The following LY6S variants were observed in gnomAD, a reference collection of about 807,000 sequenced individuals.
The protein encoded by LY6S is lymphocyte antigen 6 family member S, also known as lymphocyte antigen 6S.
At chr8:143,044,113 G>A in the LY6S span, 1 of 456,182 alleles carries the variant, frequency 2.2e-6, no homozygotes. Context: ...TCCTCCCATG[G>A]CCTGGCTGAT....
chr8:143,074,130 A>G, the LY6S span, among the ~76,000 whole-genome samples: 1 of 152,152 alleles, frequency 6.6e-6, no homozygotes, highest in African/African-American at 2.4e-5. Context: ...CCAGTTTTAT[A>G]CTTCATGGAG....
chr8:143,057,889 C>T, the LY6S span: 4 of 639,424 alleles, frequency 6.3e-6, no homozygotes, highest in South Asian at 5.1e-5. Context: ...GAGATTTCAA[C>T]CAGCCCATGC....
the LY6S span, among the ~76,000 whole-genome samples, chr8:143,052,873 T>G: frequency 6.6e-6 from 1 of 152,234 alleles, no homozygotes; most frequent in Non-Finnish European, 1.5e-5. Context: ...AAACTTAGTC[T>G]TTTTGAAATG....
chr8:143,073,420 CAGCCGTCGTCCTCGGGGTTCCTGTTT>C, the LY6S span, among the ~76,000 whole-genome samples: 2 of 147,962 alleles, frequency 1.4e-5, no homozygotes, highest in Non-Finnish European at 3.0e-5. Context: ...TTTGAGGAGA[CAGCCGTCGTCCTCGGGGTTCCTGTTT>C]GAGGAGACAG....
chr8:143,060,814 GA>G, the LY6S span, among the ~76,000 whole-genome samples: 3 of 151,648 alleles, frequency 2.0e-5, no homozygotes, highest in Non-Finnish European at 3.0e-5. Flanking sequence ...ACCCTATAAT[GA>G]GACAGTAACC....
chr8:143,076,222 T>G, the LY6S span, among the ~76,000 whole-genome samples: 1 of 152,204 alleles, frequency 6.6e-6, no homozygotes, highest in African/African-American at 2.4e-5. Flanking sequence ...CACACAGCTG[T>G]CCGTCTAAGA....
chr8:143,070,120 G>T, the LY6S span, among the ~76,000 whole-genome samples: 3 of 151,812 alleles, frequency 2.0e-5, no homozygotes, highest in Non-Finnish European at 4.4e-5. Context: ...GATGGCATCT[G>T]CTCCCTGCAT....
the LY6S span, among the ~76,000 whole-genome samples, chr8:143,058,528 A>G: frequency 6.6e-6 from 1 of 152,250 alleles, no homozygotes; most frequent in Admixed American, 6.5e-5. Context: ...GCTATCTAGA[A>G]GGCAGAGCCA....
At chr8:143,044,748 G>A in the LY6S span, 1 of 1,367,584 alleles carries the variant, frequency 7.3e-7, no homozygotes, top group Non-Finnish European at 9.8e-7. Context: ...AGACCACGCT[G>A]CAGGAGGCCC....
the LY6S span, among the ~76,000 whole-genome samples, chr8:143,045,979 G>A: frequency 2.6e-5 from 4 of 152,040 alleles, no homozygotes; most frequent in African/African-American, 9.6e-5. This position sits in a 1 kb window ranked among gnomAD's most constrained non-coding sequence, Gnocchi z 5.3. Context: ...TCAGCCTCCC[G>A]AGTAGCTGTG....
chr8:143,044,780 T>G, the LY6S span: 1 of 1,367,352 alleles, frequency 7.3e-7, no homozygotes, highest in Non-Finnish European at 9.8e-7. Flanking sequence ...GCCAAGCATC[T>G]GTAGCAGCGC....
At chr8:143,054,351 G>A in the LY6S span, 2 of 150,764 alleles carry the variant, frequency 1.3e-5, no homozygotes, top group East Asian at 3.9e-4. Context: ...CTTGTGGTGG[G>A]ACCCTAAGAG....
At chr8:143,072,559 G>C in the LY6S span, among the ~76,000 whole-genome samples, 1,864 of 143,006 alleles carry the variant, frequency 0.013, 35 homozygotes, top group African/African-American at 0.048. Flanking sequence ...CGTGGTCCCT[G>C]TTTGAGGAGA....
chr8:143,041,730 A>G, the LY6S span, among the ~76,000 whole-genome samples: 1 of 152,132 alleles, frequency 6.6e-6, no homozygotes, highest in Admixed American at 6.5e-5. Context: ...AATTTGGGGA[A>G]CTAATAAATG....
chr8:143,044,631 G>A, the LY6S span: 2 of 1,330,094 alleles, frequency 1.5e-6, no homozygotes, highest in Non-Finnish European at 2.0e-6. Context: ...TATCTAAGAA[G>A]TGCCCCTCCC....
chr8:143,045,052 C>T, the LY6S span, among the ~76,000 whole-genome samples: 2 of 152,200 alleles, frequency 1.3e-5, no homozygotes, highest in Non-Finnish European at 2.9e-5. The surrounding 1 kb of genome is among the most constrained non-coding windows in gnomAD (Gnocchi z 5.3). Context: ...AAGGCATACA[C>T]GTGCCCAGGA....
At chr8:143,069,149 G>C in the LY6S span, among the ~76,000 whole-genome samples, 1 of 152,120 alleles carries the variant, frequency 6.6e-6, no homozygotes, top group Non-Finnish European at 1.5e-5. Flanking sequence ...CATCTCTTAC[G>C]TCTCCCACAT....
the LY6S span, among the ~76,000 whole-genome samples, chr8:143,075,357 A>G: frequency 6.6e-6 from 1 of 152,174 alleles, no homozygotes; most frequent in East Asian, 1.9e-4. The surrounding 1 kb of genome is among the most constrained non-coding windows in gnomAD (Gnocchi z 4.1). Flanking sequence ...ACCTAAGAAA[A>G]AAGTCTCCCT....
chr8:143,050,101 C>T, the LY6S span, among the ~76,000 whole-genome samples: 13 of 151,888 alleles, frequency 8.6e-5, no homozygotes, highest in South Asian at 4.1e-4. Flanking sequence ...CTGGACTCTG[C>T]GCCCTGCAGG....
Sources: gnomAD v4.1 joint callset for allele counts (sites outside exome capture counted in the v4.1 genomes callset) on GRCh38, gnomAD v4.1.1 for gene constraint, Gnocchi (gnomAD v3.1) non-coding constraint, MANE v1.5 for transcripts, NCBI Gene and HGNC (gene_info 2026-07-23, HGNC 2026-07-21) for gene names.